Variants in CADPS observed in about 807,000 individuals in gnomAD.
CADPS encodes the protein calcium-dependent secretion activator 1.
CADPS carries 57 observed loss-of-function variants against 167.3 expected under a neutral mutation model. The ratio of observed to expected loss-of-function variants is 0.34; its 90% CI spans 0.28 to 0.42. The LOEUF is 0.42. Ranked by LOEUF, CADPS falls within the 20% of genes least tolerant of loss-of-function variation. The pLI is 1.00. For synonymous variants in CADPS, 676 were observed against 635.3 expected (o/e 1.06, Z -0.96); for missense variants, 1,414 against 1,738.1 (o/e 0.81, Z 3.32).
intron 5 of CADPS, among the ~76,000 whole-genome samples, chr3:62,646,516 C>T (rs954491171): frequency 2.0e-5 from 3 of 152,132 alleles, no homozygotes; most frequent in African/African-American, 7.2e-5. Context: ...TGGTTCAGCA[C>T]TTTAAAGAGC....
chr3:62,542,120 C>A (rs1298962658), intron 11 of CADPS, among the ~76,000 whole-genome samples: 1 of 152,066 alleles, frequency 6.6e-6, no homozygotes, highest in African/African-American at 2.4e-5. Context: ...ATATTACTAA[C>A]AAATTGTCTG....
At chr3:62,555,980 T>C (rs2078076940) in intron 10 of CADPS, among the ~76,000 whole-genome samples, 1 of 152,172 alleles carries the variant, frequency 6.6e-6, no homozygotes, top group African/African-American at 2.4e-5. Context: ...TCGTGAACTT[T>C]GGTCTCAAGC....
chr3:62,731,516 G>A (rs1232317548), intron 3 of CADPS, among the ~76,000 whole-genome samples: 2 of 151,994 alleles, frequency 1.3e-5, no homozygotes, highest in Non-Finnish European at 2.9e-5. Flanking sequence ...CCCCAAATTA[G>A]TTTGCTTTGT....
chr3:62,865,389 A>T (rs951190803), intron 1 of CADPS, among the ~76,000 whole-genome samples: 1 of 149,798 alleles, frequency 6.7e-6, no homozygotes, highest in African/African-American at 2.4e-5. Flanking sequence ...AAGGATTAAA[A>T]AAAAAAAAAA....
At chr3:62,740,631 C>A (rs868075248) in intron 3 of CADPS, among the ~76,000 whole-genome samples, 2 of 152,134 alleles carry the variant, frequency 1.3e-5, no homozygotes, top group Non-Finnish European at 2.9e-5. Flanking sequence ...GCTGACCAAT[C>A]AAACCCCATT....
At chr3:62,443,138 A>C (rs1220510098) in intron 27 of CADPS, among the ~76,000 whole-genome samples, 1 of 152,190 alleles carries the variant, frequency 6.6e-6, no homozygotes, top group Non-Finnish European at 1.5e-5. Flanking sequence ...ACTAACTGGA[A>C]TTATCTTGCA....
Position 62,662,304 on chromosome 3 carries a change from G to A in CADPS, c.969+10C>T, listed in dbSNP as rs914194372. The A allele has an allele frequency of 2.5e-6, 4 of 1,611,912 alleles. No homozygotes were observed. In the African/African-American group the frequency reaches 5.3e-5, roughly 22 times the overall value. On this transcript the variant is annotated intron_variant, in intron 4 of 29. Transcript: ENST00000383710. ...CTGGACCCCAGCAAACAACCACAAT[G>A]TTTCCTTACCCTGGCTATTTGGTCT...
intron 1 of CADPS, among the ~76,000 whole-genome samples, chr3:62,766,391 C>T (rs1316372312): frequency 6.6e-6 from 1 of 152,042 alleles, no homozygotes; most frequent in African/African-American, 2.4e-5. Flanking sequence ...TTCATGTCAG[C>T]CAAGGTGGGA....
At chr3:62,441,462 C>T (rs77904753) in intron 27 of CADPS, among the ~76,000 whole-genome samples, 1 of 152,176 alleles carries the variant, frequency 6.6e-6, no homozygotes, top group East Asian at 1.9e-4. Flanking sequence ...GAATGCAAAT[C>T]TCCTACATAT....
intron 1 of CADPS, among the ~76,000 whole-genome samples, chr3:62,857,180 A>G (rs989657839): frequency 6.6e-6 from 1 of 152,108 alleles, no homozygotes; most frequent in African/African-American, 2.4e-5. Context: ...TTTGTGAAAC[A>G]AAGAATATAA....
intron 6 of CADPS, among the ~76,000 whole-genome samples, chr3:62,633,976 G>C (rs187455157): frequency 1.3e-5 from 2 of 152,316 alleles, no homozygotes; most frequent in East Asian, 1.9e-4. Context: ...ACTTAGGACA[G>C]ACGGCAAATG....
chr3:62,631,149 CTTA>C (rs2065207008), intron 6 of CADPS, among the ~76,000 whole-genome samples: 1 of 151,796 alleles, frequency 6.6e-6, no homozygotes, highest in Non-Finnish European at 1.5e-5. Context: ...TACACACACA[CTTA>C]TTTTTTCTAT....
intron 6 of CADPS, among the ~76,000 whole-genome samples, chr3:62,595,421 G>A (rs996118604): frequency 6.6e-6 from 1 of 152,044 alleles, no homozygotes; most frequent in Non-Finnish European, 1.5e-5. Context: ...TCAAATTCTG[G>A]CTTAGTCACT....
chr3:62,854,961 G>C (rs1264312950), intron 1 of CADPS, among the ~76,000 whole-genome samples: 2 of 152,058 alleles, frequency 1.3e-5, no homozygotes, highest in Non-Finnish European at 2.9e-5. Context: ...GAGTCTCACT[G>C]TCACCCAGGC....
At chr3:62,503,289 C>G (rs547933336) in intron 17 of CADPS, among the ~76,000 whole-genome samples, 1 of 152,326 alleles carries the variant, frequency 6.6e-6, no homozygotes, top group Admixed American at 6.5e-5. Flanking sequence ...ATGTTACTTA[C>G]TTTCTACGTA....
intron 11 of CADPS, among the ~76,000 whole-genome samples, chr3:62,537,441 C>T (rs1193867005): frequency 1.3e-5 from 2 of 152,156 alleles, no homozygotes; most frequent in African/African-American, 4.8e-5. Flanking sequence ...GAATTCAACT[C>T]GTGTGTGTCC....
At chr3:62,851,814 G>A (rs566375572) in intron 1 of CADPS, among the ~76,000 whole-genome samples, 2 of 150,156 alleles carry the variant, frequency 1.3e-5, no homozygotes, top group East Asian at 1.9e-4. Context: ...GAATCTGAAC[G>A]TTGGCCTGCC....
At chr3:62,487,753 TTAAA>T (rs759982558) in intron 21 of CADPS, among the ~76,000 whole-genome samples, 27 of 152,366 alleles carry the variant, frequency 1.8e-4, no homozygotes, top group Admixed American at 1.8e-3. Context: ...GTTGTTCATC[TTAAA>T]TAACCTTAAT....
Position 62,834,957 on chromosome 3 carries a change from AT to A in CADPS, c.441+39631del, listed in dbSNP as rs530008157. On this transcript the variant is annotated intron_variant, in intron 1 of 29. Coordinates refer to ENST00000383710, the MANE Select transcript of CADPS (RefSeq NM_003716.4). Reference sequence around the variant, plus strand: ...AATCTGGCCTGTTATCAGAGTTCAAATATGGAATTTTACTTCCATTTTCCAT... The same window carrying A: ...AATCTGGCCTGTTATCAGAGTTCAAAATGGAATTTTACTTCCATTTTCCAT... Among the ~76,000 whole-genome samples the A allele has an allele frequency of 4.6e-5, 7 of 152,288 alleles. No individual in the cohort carries two copies. In the East Asian group the frequency reaches 1.4e-3, roughly 29 times the overall value.
Sources: gnomAD v4.1 joint callset for allele counts (sites outside exome capture counted in the v4.1 genomes callset) on GRCh38, gnomAD v4.1.1 for gene constraint, MANE v1.5 for transcripts, NCBI Gene and HGNC (gene_info 2026-07-23, HGNC 2026-07-21) for gene names.